GSN: variants seen among roughly 807,000 people sequenced by gnomAD.
GSN encodes the protein actin-depolymerizing factor.
GSN carries 56 observed loss-of-function variants against 85.7 expected under a neutral mutation model. The observed-to-expected ratio is 0.65, with a 90% confidence interval of 0.53 to 0.82. The LOEUF is 0.82. Ranked by LOEUF, GSN falls within the 40% of genes least tolerant of loss-of-function variation. The pLI, the probability that GSN is intolerant of heterozygous loss-of-function variation, is 0.00. For missense variants in GSN, 857 were observed against 979.8 expected (o/e 0.87, Z 1.67); for synonymous variants, 373 against 399.1 (o/e 0.93, Z 0.78).
chr9:121,227,223 G>A (rs576455339), intron 4 of GSN, among the ~76,000 whole-genome samples: 2 of 152,126 alleles, frequency 1.3e-5, no homozygotes, highest in African/African-American at 4.8e-5. Context: ...GTGAAACCCC[G>A]ACTCTACTAA....
chr9:121,288,069 G>GAT (rs2058329428), intron 2 of GSN, among the ~76,000 whole-genome samples: 12 of 152,154 alleles, frequency 7.9e-5, no homozygotes, highest in African/African-American at 2.9e-4. Flanking sequence ...TGGGACCACA[G>GAT]GCACACACCA....
At chr9:121,222,239 T>G (rs2054184245) in intron 4 of GSN, 1 of 152,244 alleles carries the variant, frequency 6.6e-6, no homozygotes, top group African/African-American at 2.4e-5. Flanking sequence ...TTGTGTTCAT[T>G]CTTTCAAGTT....
At chr9:121,308,971 A>C (rs554705774) in intron 4 of GSN, 1 of 152,396 alleles carries the variant, frequency 6.6e-6, no homozygotes, top group South Asian at 2.1e-4. Flanking sequence ...TAGACTTAGC[A>C]CAGTGGGCTG....
chr9:121,329,523 A>G lies in GSN; in HGVS notation c.1965+208A>G, dbSNP rs952447917. On this transcript the variant is annotated intron_variant, in intron 16 of 17. Transcript: ENST00000432226. This position sits in a 1 kb window ranked among gnomAD's most constrained non-coding sequence, Gnocchi z 4.6. ...GGGAGTGGCGGTACCTCCCTTGCAG[A>G]TACACTCACCTTGAAAGCTGCAAAA... is the stretch of plus-strand genomic sequence containing the variant. 6.6e-6 allele frequency among the ~76,000 whole-genome samples: 1 copy of G among 152,174 alleles called. No homozygotes were observed. The highest frequency in any genetic ancestry group is 1.5e-5 in the Non-Finnish European group (1 of 68,036).
chr9:121,254,508 G>C (rs1319097404), intron 6 of GSN, among the ~76,000 whole-genome samples: 5 of 152,108 alleles, frequency 3.3e-5, no homozygotes, highest in Admixed American at 1.3e-4. Context: ...TAAAAGCAGA[G>C]CCTCTTTACC....
In GSN at chr9:121,312,478, C is replaced by G; in HGVS notation, c.653C>G (p.Ala218Gly). Residue 218 changes from alanine to glycine, a missense_variant, in exon 6 of 18, where the codon GCG (alanine) becomes GGG (glycine). Coordinates refer to ENST00000432226, the MANE Select transcript of GSN (RefSeq NM_198252.3). Reference protein sequence around the residue: ...HVSEEGTEPEAMLQVLGPKPA... With the variant: ...HVSEEGTEPEGMLQVLGPKPA... ...TCTGAGGAGGGCACTGAGCCCGAGG[C>G]GATGCTCCAGGTGCCTGTGGGGTGC... 2 of 1,611,084 alleles carry G rather than the reference C, an allele frequency of 1.2e-6. No individual in the cohort carries two copies. Among genetic ancestry groups the G allele is most frequent in the Non-Finnish European group, 1.7e-6 (2 of 1,178,146 alleles).
At chr9:121,315,383 C>T (rs2061597041) in intron 7 of GSN, among the ~76,000 whole-genome samples, 1 of 152,214 alleles carries the variant, frequency 6.6e-6, no homozygotes, top group African/African-American at 2.4e-5. Context: ...TCTTGGTGCA[C>T]TTGTGCTAAG....
chr9:121,328,417 A>T (rs2063489331), intron 14 of GSN, among the ~76,000 whole-genome samples: 1 of 152,246 alleles, frequency 6.6e-6, no homozygotes, highest in Admixed American at 6.5e-5. Flanking sequence ...GGAATGAAGA[A>T]CTGAACTTTT....
At chr9:121,316,984 A>C in intron 7 of GSN, 102 bp from the exon 8 acceptor site, 1 of 1,457,764 alleles carries the variant, frequency 6.9e-7, no homozygotes, top group East Asian at 2.3e-5. Flanking sequence ...GTGTTACTCT[A>C]CAGGGCCATT....
upstream of GSN, chr9:121,207,729 C>T (rs903131358): frequency 1.3e-5 from 2 of 151,044 alleles, no homozygotes; most frequent in Non-Finnish European, 2.9e-5. Context: ...AGTTTCATTT[C>T]CTGTGACCTT....
At chr9:121,310,498 A>G (rs763687264) in intron 4 of GSN, 186 bp from the exon 5 acceptor site, 155 of 664,356 alleles carry the variant, frequency 2.3e-4, no homozygotes, top group Non-Finnish European at 2.0e-4. Context: ...TCAGTTTCCT[A>G]CTCTGAAACA....
At chr9:121,232,238 G>A (rs992951751) in intron 5 of GSN, among the ~76,000 whole-genome samples, 2 of 152,234 alleles carry the variant, frequency 1.3e-5, no homozygotes, top group African/African-American at 4.8e-5. Context: ...TGACTGTCCA[G>A]TGCTGAGCAC....
chr9:121,202,622 G>A, the GSN span, among the ~76,000 whole-genome samples: 1 of 152,114 alleles, frequency 6.6e-6, no homozygotes, highest in South Asian at 2.1e-4. Context: ...CGGGTGCAGG[G>A]ACACGTTTTG....
At chr9:121,330,786 G>A (rs985523143) in intron 16 of GSN, among the ~76,000 whole-genome samples, 2 of 151,974 alleles carry the variant, frequency 1.3e-5, no homozygotes, top group Non-Finnish European at 2.9e-5. Context: ...GGCCCATTTT[G>A]ACAAAGATGC....
chr9:121,304,576 G>A (rs887340157), intron 4 of GSN, among the ~76,000 whole-genome samples: 4 of 152,242 alleles, frequency 2.6e-5, no homozygotes, highest in Admixed American at 2.0e-4. Flanking sequence ...TTGGGCGGGT[G>A]TTCTCAATCA....
intron 1 of GSN, among the ~76,000 whole-genome samples, chr9:121,269,705 G>A (rs1170857895): frequency 2.0e-5 from 3 of 152,160 alleles, no homozygotes; most frequent in Middle Eastern, 3.2e-3. Flanking sequence ...GTTGGCACTC[G>A]GTGAGTTACA....
chr9:121,298,592 C>T (rs756760187), intron 2 of GSN, among the ~76,000 whole-genome samples: 1 of 152,074 alleles, frequency 6.6e-6, no homozygotes, highest in African/African-American at 2.4e-5. Context: ...ACCCACAGAC[C>T]GATTTAATTC....
intron 4 of GSN, among the ~76,000 whole-genome samples, chr9:121,229,628 G>C (rs1331902092): frequency 1.3e-5 from 2 of 152,222 alleles, no homozygotes; most frequent in Non-Finnish European, 2.9e-5. Context: ...ATGCTATTCA[G>C]GTGATTCTGT....
chr9:121,299,776 G>T lies in GSN; in HGVS notation c.-9-2187G>T. The T allele has an allele frequency of 8.2e-7, 1 of 1,219,468 alleles. No homozygotes were observed. The highest frequency in any genetic ancestry group is 1.0e-6 in the Non-Finnish European group (1 of 972,360). 75.5% of individuals were successfully genotyped at this position (1,219,468 alleles called of 1,614,324 possible). A position where few individuals can be genotyped will look rare whatever the true frequency, so the allele number is the denominator to read the frequency against. On this transcript the variant is annotated intron_variant, in intron 2 of 17. Coordinates refer to ENST00000432226, the MANE Select transcript of GSN (RefSeq NM_198252.3). The surrounding 1 kb of genome is among the most constrained non-coding windows in gnomAD (Gnocchi z 4.2). ...CGCCCTCCCTGGGGGGCGGTCCCCG[G>T]CTTGGGCGGGATGGGCGGGCGGCTA...
Sources: allele counts gnomAD v4.1 joint callset (sites outside exome capture counted in the v4.1 genomes callset), GRCh38; gene constraint gnomAD v4.1.1; non-coding constraint Gnocchi (gnomAD v3.1); transcripts MANE v1.5; gene names NCBI Gene and HGNC (gene_info 2026-07-23, HGNC 2026-07-21).